ELOF1: variants seen among roughly 807,000 people sequenced by gnomAD.
ELOF1 encodes elongation factor 1, also known as transcription elongation factor 1 homolog.
A neutral mutation model predicts 7.1 loss-of-function variants in ELOF1; 4 were observed. The observed-to-expected ratio is 0.56, with a 90% CI of 0.28 to 1.29. The LOEUF (loss-of-function observed/expected upper bound fraction) is 1.29, where lower values mean the gene tolerates loss of function less well. ELOF1 is among the 50% of genes most tolerant of loss of function. ELOF1 has a pLI of 0.10. For synonymous variants in ELOF1, 31 were observed against 31.9 expected (o/e 0.97, Z 0.09); for missense variants, 59 against 86.3 (o/e 0.68, Z 1.25).
exon 3 of ELOF1, chr19:11,554,022 G>T: frequency 6.2e-7 from 1 of 1,614,170 alleles, no homozygotes; most frequent in Non-Finnish European, 8.5e-7. Context: ...CGTTATGGGC[G>T]TCTGGAATTC....
intron 1 of ELOF1, chr19:11,554,568 A>G: frequency 4.4e-6 from 3 of 685,564 alleles, no homozygotes; most frequent in Non-Finnish European, 7.1e-6. Flanking sequence ...ACGAGGCTCT[A>G]ACCCCATCTC....
intron 3 of ELOF1, 49 bp downstream of exon 3, chr19:11,553,962 T>C: frequency 6.2e-7 from 1 of 1,613,538 alleles, no homozygotes. Flanking sequence ...GGGTCCGGAC[T>C]CCAGCCCCCT....
chr19:11,556,669 T>G (rs1972839452), intron 1 of ELOF1, among the ~76,000 whole-genome samples: 1 of 151,948 alleles, frequency 6.6e-6, no homozygotes. Flanking sequence ...AGACAGCTCC[T>G]AGGACCAACT....
chr19:11,553,583 A>ACG, intron 3 of ELOF1: 2 of 4,826 alleles, frequency 4.1e-4, no homozygotes, highest in Non-Finnish European at 2.1e-3. Flanking sequence ...CACACCCACT[A>ACG]CACACACACA....
At chr19:11,554,753 G>T in intron 1 of ELOF1, 1 of 238,446 alleles carries the variant, frequency 4.2e-6, no homozygotes. Context: ...ACCAGCCTGG[G>T]CAACATAGTG....
At chr19:11,553,055 G>C (rs1229434842) in exon 4 of ELOF1, 1 of 399,328 alleles carries the variant, frequency 2.5e-6, no homozygotes, top group Non-Finnish European at 4.4e-6. Context: ...ATGTGCGCTG[G>C]CTGCTTTATT....
chr19:11,557,036 A>G (rs758837910), intron 1 of ELOF1, among the ~76,000 whole-genome samples: 21 of 152,092 alleles, frequency 1.4e-4, no homozygotes, highest in Non-Finnish European at 2.6e-4. Context: ...TCTTCCAGCT[A>G]TGATCCTTTT....
At chr19:11,556,679 T>TCATTCAGC (rs1972839564) in intron 1 of ELOF1, among the ~76,000 whole-genome samples, 1 of 151,630 alleles carries the variant, frequency 6.6e-6, no homozygotes, top group Admixed American at 6.6e-5. Flanking sequence ...TAGGACCAAC[T>TCATTCAGC]CATTCAGCCA....
At chr19:11,554,931 G>C (rs186232493) in intron 1 of ELOF1, 164 of 150,738 alleles carry the variant, frequency 1.1e-3, no homozygotes, top group Non-Finnish European at 1.5e-3. Flanking sequence ...TCCAGCCTAG[G>C]CAACAGGATG....
chr19:11,557,540 G>C (rs1356721502), intron 1 of ELOF1, among the ~76,000 whole-genome samples: 3 of 149,744 alleles, frequency 2.0e-5, no homozygotes, highest in South Asian at 2.1e-4. Context: ...AGGTTTCAGT[G>C]AGCTGAGATT....
intron 1 of ELOF1, chr19:11,555,094 TA>T: frequency 4.7e-6 from 1 of 212,488 alleles, no homozygotes; most frequent in Non-Finnish European, 9.9e-6. Flanking sequence ...CCATCTCTAC[TA>T]AAAATACAAA....
intron 1 of ELOF1, among the ~76,000 whole-genome samples, chr19:11,558,156 G>A (rs60438445): frequency 0.16 from 24,371 of 152,034 alleles, 4,308 homozygotes; most frequent in African/African-American, 0.44. Context: ...CCATCTTTCC[G>A]GATAATCAAA....
intron 3 of ELOF1, chr19:11,553,570 A>C: frequency 1.4e-6 from 1 of 728,692 alleles, no homozygotes; most frequent in Non-Finnish European, 2.3e-6. Flanking sequence ...CCACACCCAC[A>C]CGCACACCCA....
At chr19:11,559,136 C>T (rs1432342180) in intron 1 of ELOF1, 55 bp downstream of exon 1, 1 of 152,382 alleles carries the variant, frequency 6.6e-6, no homozygotes, top group Non-Finnish European at 1.5e-5. Context: ...AGTAGAGGAA[C>T]TTCCAGTCCT....
In ELOF1 at chr19:11,554,180, G is replaced by A. The variant is rs1421981349; in HGVS notation, c.116+52C>T. 13 of 1,613,724 alleles carry A rather than the reference G, an allele frequency of 8.1e-6. No individual in the cohort carries two copies. The African/African-American group carries it at 1.6e-4, about 20-fold the overall frequency. ...GAGGCAAGGGGCAGGATGGAGAACA[G>A]CGGGGAAGAGGCAGTGGGGAGGCTG... is the stretch of plus-strand genomic sequence containing the variant. On this transcript the variant is annotated intron_variant, in intron 2 of 3. Coordinates refer to ENST00000586683, the Ensembl canonical transcript of ELOF1.
chr19:11,554,567 T>A, intron 1 of ELOF1: 1 of 687,418 alleles, frequency 1.5e-6, no homozygotes, highest in Non-Finnish European at 2.3e-6. Flanking sequence ...GACGAGGCTC[T>A]AACCCCATCT....
intron 1 of ELOF1, chr19:11,554,952 TAA>T (rs74180029): frequency 9.3e-5 from 9 of 97,196 alleles, no homozygotes; most frequent in South Asian, 3.3e-4. Context: ...AAACCCTGCA[TAA>T]AAAAAAAAAA....
At chr19:11,553,262 T>A in intron 3 of ELOF1, 1 of 397,974 alleles carries the variant, frequency 2.5e-6, no homozygotes, top group Non-Finnish European at 4.4e-6. Context: ...GAGCGGGAAG[T>A]CCAGTTGAGA....
chr19:11,556,304 T>C (rs142090485), intron 1 of ELOF1, among the ~76,000 whole-genome samples: 1 of 152,170 alleles, frequency 6.6e-6, no homozygotes, highest in Non-Finnish European at 1.5e-5. Flanking sequence ...CCCCCAACTC[T>C]TTCTTTTTTT....
Sources: gnomAD v4.1 joint callset for allele counts (sites outside exome capture counted in the v4.1 genomes callset) on GRCh38, gnomAD v4.1.1 for gene constraint, MANE v1.5 for transcripts, NCBI Gene and HGNC (gene_info 2026-07-23, HGNC 2026-07-21) for gene names.